ZBED6: variants seen among roughly 807,000 people sequenced by gnomAD.
ZBED6 encodes the protein zinc finger BED-type containing 6.
ZBED6 carries 40 observed loss-of-function variants against 58.4 expected under a neutral mutation model. That is an observed-to-expected ratio of 0.68 (90% CI 0.53 to 0.89). The LOEUF is 0.89. Ranked by LOEUF, ZBED6 falls within the 40% of genes least tolerant of loss-of-function variation. ZBED6 has a pLI of 0.00. For synonymous variants in ZBED6, 439 were observed against 350.6 expected (o/e 1.25, Z -2.82); for missense variants, 1,057 against 1,003.9 (o/e 1.05, Z -0.71).
exon 1 of ZBED6, chr1:203,800,573 A>T: frequency 1.0e-6 from 1 of 978,882 alleles, no homozygotes; most frequent in Non-Finnish European, 1.4e-6. Flanking sequence ...GGGAAACCTG[A>T]AATCACACAA....
exon 12 of ZBED6, chr1:203,847,200 T>A: frequency 6.2e-7 from 1 of 1,612,836 alleles, no homozygotes; most frequent in Non-Finnish European, 8.5e-7. Flanking sequence ...TTAATAAAGT[T>A]GGTGAGATCC....
At chr1:203,809,414 A>T (rs1269302928) in intron 1 of ZBED6, among the ~76,000 whole-genome samples, 1 of 150,392 alleles carries the variant, frequency 6.6e-6, no homozygotes, top group Non-Finnish European at 1.5e-5. Flanking sequence ...TGACCTCGTG[A>T]TCCGCCCATC....
At chr1:203,822,552 A>G (rs181927818) in intron 3 of ZBED6, among the ~76,000 whole-genome samples, 2 of 152,186 alleles carry the variant, frequency 1.3e-5, no homozygotes, top group Non-Finnish European at 2.9e-5. Context: ...ACTCTGTACC[A>G]GGTTCCCTTG....
At chr1:203,840,359 A>G in exon 11 of ZBED6, 1 of 1,613,012 alleles carries the variant, frequency 6.2e-7, no homozygotes. Context: ...TGATCCAGAT[A>G]ATGAGGATGC....
chr1:203,835,674 T>C, intron 9 of ZBED6: 1 of 243,712 alleles, frequency 4.1e-6, no homozygotes, highest in Non-Finnish European at 8.8e-6. Flanking sequence ...CACACCACTG[T>C]TTCCATGGGC....
chr1:203,799,081 G>A, exon 1 of ZBED6: 1 of 1,536,108 alleles, frequency 6.5e-7, no homozygotes, highest in Non-Finnish European at 8.7e-7. Context: ...CCCGATTTTA[G>A]AAAGTGGGCA....
chr1:203,824,129 G>A (rs1292108912), intron 3 of ZBED6, among the ~76,000 whole-genome samples: 11 of 152,020 alleles, frequency 7.2e-5, no homozygotes, highest in Non-Finnish European at 7.4e-5. Flanking sequence ...TTAGTCGGGC[G>A]TGGTGACGCA....
intron 1 of ZBED6, among the ~76,000 whole-genome samples, chr1:203,812,733 TACCACGGCC>T (rs1674943641): frequency 6.6e-6 from 1 of 151,748 alleles, no homozygotes; most frequent in South Asian, 2.1e-4. Flanking sequence ...AGGTGTGTGC[TACCACGGCC>T]AGCTAATTTT....
chr1:203,828,872 C>T (rs979850204), intron 4 of ZBED6, among the ~76,000 whole-genome samples: 2 of 152,192 alleles, frequency 1.3e-5, no homozygotes, highest in Admixed American at 6.5e-5. Flanking sequence ...AAATTATTAA[C>T]TGGCTCTTTA....
chr1:203,830,127 A>C, exon 7 of ZBED6: 1 of 1,592,204 alleles, frequency 6.3e-7, no homozygotes, highest in Non-Finnish European at 8.5e-7. Context: ...TTTCAGGTGA[A>C]TGTTTGAATT....
chr1:203,838,673 G>T (rs940767319), intron 10 of ZBED6, among the ~76,000 whole-genome samples: 1 of 152,126 alleles, frequency 6.6e-6, no homozygotes, highest in South Asian at 2.1e-4. Flanking sequence ...TAAACAGGCC[G>T]GGCACGGTAG....
At chr1:203,834,434 G>C (rs1426463125) in intron 9 of ZBED6, among the ~76,000 whole-genome samples, 1 of 151,456 alleles carries the variant, frequency 6.6e-6, no homozygotes, top group Non-Finnish European at 1.5e-5. Flanking sequence ...ACCATACCTG[G>C]CTAATTTTTG....
intron 1 of ZBED6, among the ~76,000 whole-genome samples, chr1:203,815,318 G>C (rs1023445260): frequency 6.7e-5 from 9 of 134,554 alleles, no homozygotes; most frequent in African/African-American, 2.5e-4. Context: ...GGGTTCAAGT[G>C]ATTCTTGTGC....
At chr1:203,847,338 C>T in exon 12 of ZBED6, 3 of 1,613,740 alleles carry the variant, frequency 1.9e-6, no homozygotes, top group Non-Finnish European at 2.5e-6. Context: ...GAAGCTCCTC[C>T]ACTATCCGTA....
chr1:203,818,330 CTT>C (rs2102794812), intron 2 of ZBED6, among the ~76,000 whole-genome samples: 1 of 152,180 alleles, frequency 6.6e-6, no homozygotes, highest in African/African-American at 2.4e-5. Flanking sequence ...TTTTTCAACT[CTT>C]TTTTTCAGCT....
chr1:203,824,747 T>G (rs1166296190), intron 3 of ZBED6, among the ~76,000 whole-genome samples: 1 of 152,130 alleles, frequency 6.6e-6, no homozygotes, highest in Non-Finnish European at 1.5e-5. Flanking sequence ...TTTGTAGTGT[T>G]GCTGAGTAGA....
intron 1 of ZBED6, among the ~76,000 whole-genome samples, chr1:203,806,481 T>C (rs1672388208): frequency 6.6e-6 from 1 of 152,152 alleles, no homozygotes; most frequent in South Asian, 2.1e-4. Context: ...TTTGTATTTT[T>C]TAATAGAGAT....
At chr1:203,810,125 G>T (rs1309040374) in intron 1 of ZBED6, among the ~76,000 whole-genome samples, 1 of 151,518 alleles carries the variant, frequency 6.6e-6, no homozygotes. Context: ...AGCTGGAGTG[G>T]TGTTTTTTTT....
chr1:203,818,482 T>G, intron 2 of ZBED6, 88 bp from the exon 3 acceptor site: 1 of 1,564,814 alleles, frequency 6.4e-7, no homozygotes, highest in Non-Finnish European at 8.7e-7. Flanking sequence ...CATTTGTGCT[T>G]GTCTAAATTC....
Sources: gnomAD v4.1 joint callset for allele counts (sites outside exome capture counted in the v4.1 genomes callset) on GRCh38, gnomAD v4.1.1 for gene constraint, MANE v1.5 for transcripts, NCBI Gene and HGNC (gene_info 2026-07-23, HGNC 2026-07-21) for gene names.